AR: variants seen among roughly 807,000 people sequenced by gnomAD.
AR encodes dihydrotestosterone receptor.
AR carries 8 observed loss-of-function variants against 53.9 expected under a neutral mutation model. The ratio of observed to expected loss-of-function variants is 0.15; its 90% confidence interval spans 0.09 to 0.27. The LOEUF is 0.27. AR is among the 10% of genes least tolerant of loss of function. AR has a pLI of 1.00. For missense variants in AR, 639 were observed against 742.5 expected, an observed-to-expected ratio of 0.86 and a Z score of 1.62; for synonymous variants, 359 against 316.4, an observed-to-expected ratio of 1.13 and a Z score of -1.43.
At chrX:67,558,403 C>A (rs902553487) in intron 1 of AR, among the ~76,000 whole-genome samples, 1 of 111,884 alleles carries the variant, frequency 8.9e-6, no homozygotes, top group Non-Finnish European at 1.9e-5. Context: ...TAGGAAGTAG[C>A]AGAACTTGTG....
intron 1 of AR, among the ~76,000 whole-genome samples, chrX:67,624,904 C>CAAAAA (rs140323582): frequency 0.061 from 1,122 of 18,304 alleles, 14 homozygotes; most frequent in Non-Finnish European, 0.067. Context: ...GGCAATTAGG[C>CAAAAA]AAAAAAAAAA....
chrX:67,644,465 C>T (rs1411311454), intron 2 of AR, among the ~76,000 whole-genome samples: 1 of 111,992 alleles, frequency 8.9e-6, no homozygotes, highest in Non-Finnish European at 1.9e-5. Flanking sequence ...GAGAACCTTT[C>T]CTTCTATAAG....
At position 67,546,186 on chromosome X, in the gene AR, T is replaced by A. The variant is rs746981310; in HGVS notation, c.1040T>A (p.Leu347His). The A allele has an allele frequency of 8.3e-7, 1 of 1,211,983 alleles. No homozygotes were observed. Among genetic ancestry groups the A allele is most frequent in the Non-Finnish European group, 1.1e-6 (1 of 895,528 alleles). Reference sequence around the variant, plus strand: ...CTTGAACTGCCGTCTACCCTGTCTCTCTACAAGTCCGGAGCACTGGACGAG... The same window carrying A: ...CTTGAACTGCCGTCTACCCTGTCTCACTACAAGTCCGGAGCACTGGACGAG... ...GTLELPSTLS[L>H]YKSGALDEAA... is the part of the protein sequence containing the mutation. Residue 347 changes from leucine to histidine, a missense_variant, in exon 1 of 8, where the codon CTC (leucine) becomes CAC (histidine). Leu to His is a moderately conservative substitution (Grantham distance 99, BLOSUM62 -3). Transcript: ENST00000374690.
At chrX:67,644,718 G>T (rs1481992805) in intron 2 of AR, among the ~76,000 whole-genome samples, 2 of 111,531 alleles carry the variant, frequency 1.8e-5, no homozygotes, top group African/African-American at 6.5e-5. Context: ...CTGCCATGTT[G>T]TTTTCTTCCA....
chrX:67,668,532 T>A (rs868815995), intron 2 of AR, among the ~76,000 whole-genome samples: 5 of 110,945 alleles, frequency 4.5e-5, no homozygotes, highest in African/African-American at 9.9e-5. Flanking sequence ...TCCTTTTTTT[T>A]ATGTGTCTTT....
At position 67,721,980 on chromosome X, in the gene AR, G is replaced by A. The variant is rs778153904; in HGVS notation, c.2449+17G>A. 1 of 1,210,070 alleles carries A rather than the reference G, an allele frequency of 8.3e-7. No homozygotes were observed. The highest frequency in any genetic ancestry group is 3.0e-5 in the East Asian group (1 of 33,705). On this transcript the variant is annotated intron_variant, in intron 6 of 7. Coordinates refer to ENST00000374690, the MANE Select transcript of AR (RefSeq NM_000044.6). ...TCAGCATTAGTAAGTGCCTAGAAGT[G>A]CAGGGAATGCCCCCTGAGGGCACAG...
chrX:67,687,792 A>T (rs2075975060), intron 3 of AR, among the ~76,000 whole-genome samples: 1 of 112,284 alleles, frequency 8.9e-6, no homozygotes, highest in African/African-American at 3.2e-5. Flanking sequence ...GGCAATATGA[A>T]TTGCAAGTCC....
chrX:67,685,345 A>G (rs948429078), intron 2 of AR, among the ~76,000 whole-genome samples: 2 of 111,404 alleles, frequency 1.8e-5, no homozygotes, highest in Non-Finnish European at 3.8e-5. Flanking sequence ...TGTATCTGTG[A>G]CAACTCCAGG....
chrX:67,616,180 G>A lies in AR; in HGVS notation c.1617-27076G>A, dbSNP rs769198502. On this transcript the variant is annotated intron_variant, in intron 1 of 7. Coordinates refer to ENST00000374690, the MANE Select transcript of AR (RefSeq NM_000044.6). ...AAGTTAAAAACATAGTTTAGCTTATGTGTGCCTAGTACTCCATTATTATTT... is the reference window on the plus strand; with the variant it reads ...AAGTTAAAAACATAGTTTAGCTTATATGTGCCTAGTACTCCATTATTATTT... Among the ~76,000 whole-genome samples the A allele has an allele frequency of 3.6e-5, 4 of 111,344 alleles. No homozygotes were observed. In the South Asian group the frequency reaches 1.5e-3, roughly 42 times the overall value.
chrX:67,659,900 G>T (rs1020756500), intron 2 of AR, among the ~76,000 whole-genome samples: 4 of 111,445 alleles, frequency 3.6e-5, no homozygotes, highest in Admixed American at 1.9e-4. Flanking sequence ...ACTTTTTAAT[G>T]ATCACCATTC....
intron 2 of AR, chrX:67,681,069 G>A (rs1472858704): frequency 5.8e-6 from 1 of 172,971 alleles, no homozygotes. Flanking sequence ...TGATTTCTTT[G>A]CAGCTCTAGA....
intron 2 of AR, among the ~76,000 whole-genome samples, chrX:67,675,572 G>A (rs999617521): frequency 7.2e-5 from 8 of 111,109 alleles, no homozygotes; most frequent in African/African-American, 2.6e-4. Context: ...GCTGTGACAG[G>A]GCAACATTGA....
At chrX:67,626,536 G>A (rs1190176675) in intron 1 of AR, among the ~76,000 whole-genome samples, 1 of 92,591 alleles carries the variant, frequency 1.1e-5, no homozygotes, top group East Asian at 3.3e-4. Flanking sequence ...CGCCTCCCAG[G>A]TTCATGCCAT....
chrX:67,552,486 A>C (rs746049322), intron 1 of AR, among the ~76,000 whole-genome samples: 2 of 112,470 alleles, frequency 1.8e-5, no homozygotes, highest in South Asian at 7.4e-4. Flanking sequence ...GTGAACATTC[A>C]CGTGCAAGTT....
At chrX:67,705,179 G>T (rs1179349949) in intron 3 of AR, among the ~76,000 whole-genome samples, 1 of 111,401 alleles carries the variant, frequency 9.0e-6, no homozygotes, top group East Asian at 2.8e-4. Flanking sequence ...CCAATTCTGT[G>T]GAGAAAGTCA....
At position 67,655,756 on chromosome X, in the gene AR, G is replaced by A. The variant is rs189506751; in HGVS notation, c.1768+12349G>A. On this transcript the variant is annotated intron_variant, in intron 2 of 7. Coordinates refer to ENST00000374690, the MANE Select transcript of AR (RefSeq NM_000044.6). ...TGACCACCCCCAGAGGATTCATAAGGATAACATGAGATAAGGCAACTTGAA... is the reference window on the plus strand; with the variant it reads ...TGACCACCCCCAGAGGATTCATAAGAATAACATGAGATAAGGCAACTTGAA... 9.9e-5 allele frequency among the ~76,000 whole-genome samples: 11 copies of A among 111,301 alleles called. No homozygotes were observed. The East Asian group carries it at 2.9e-3, about 29-fold the overall frequency.
At chrX:67,562,952 C>T (rs1921400184) in intron 1 of AR, among the ~76,000 whole-genome samples, 1 of 112,049 alleles carries the variant, frequency 8.9e-6, no homozygotes, top group African/African-American at 3.2e-5. Flanking sequence ...TCTTCTAATT[C>T]ACCACACCAT....
intron 1 of AR, among the ~76,000 whole-genome samples, chrX:67,625,029 T>C (rs1851443406): frequency 1.9e-5 from 2 of 102,981 alleles, no homozygotes; most frequent in African/African-American, 7.1e-5. Context: ...CCTTAAGGAA[T>C]CCATGATAAA....
chrX:67,718,132 G>A (rs1436474386), intron 5 of AR, among the ~76,000 whole-genome samples: 1 of 111,529 alleles, frequency 9.0e-6, no homozygotes, highest in African/African-American at 3.3e-5. Flanking sequence ...TTATGGATGG[G>A]GAAAATCAGG....
Sources: gnomAD v4.1 joint callset for allele counts (sites outside exome capture counted in the v4.1 genomes callset) on GRCh38, gnomAD v4.1.1 for gene constraint, MANE v1.5 for transcripts, NCBI Gene and HGNC (gene_info 2026-07-23, HGNC 2026-07-21) for gene names.